The following RBM28 variants were observed in gnomAD, a reference collection of about 807,000 sequenced individuals.
RBM28 encodes RNA binding motif protein 28.
RBM28 carries 78 observed loss-of-function variants against 98.3 expected under a neutral mutation model. The observed-to-expected ratio is 0.79, with a 90% CI of 0.66 to 0.96. The LOEUF is 0.96. RBM28 is among the 40% of genes least tolerant of loss of function. RBM28 has a pLI of 0.00. For missense variants in RBM28, 838 were observed against 913.0 expected, an observed-to-expected ratio of 0.92 and a Z score of 1.06; for synonymous variants, 306 against 330.9, an observed-to-expected ratio of 0.92 and a Z score of 0.82.
At chr7:128,328,866 G>A (rs960424359) in intron 10 of RBM28, among the ~76,000 whole-genome samples, 2 of 151,852 alleles carry the variant, frequency 1.3e-5, no homozygotes, top group African/African-American at 4.8e-5. Flanking sequence ...TAAATGATTT[G>A]CCAAAAATCA....
rs17152005 is a variant in RBM28 at position 128,323,462 on chromosome 7, G to A, written c.1404+65C>T. On this transcript the variant is annotated intron_variant, in intron 13 of 18. Coordinates refer to ENST00000223073, the MANE Select transcript of RBM28 (RefSeq NM_018077.3). ...TCTTTGATGAGCACATCTAGCATTC[G>A]ATAACTATTTTTGATTGATTTATAG... is the stretch of plus-strand genomic sequence containing the variant. 5.2e-3 allele frequency: 8,164 copies of A among 1,575,236 alleles called. 275 individuals carry two copies. The African/African-American group carries it at 0.081, about 16-fold the overall frequency.
chr7:128,334,778 G>A (rs73721362), intron 8 of RBM28, among the ~76,000 whole-genome samples: 12,660 of 152,206 alleles, frequency 0.083, 674 homozygotes, highest in African/African-American at 0.15. Flanking sequence ...AAATATAATT[G>A]TATTTGGAGA....
chr7:128,332,209 A>G (rs990841125), intron 9 of RBM28, among the ~76,000 whole-genome samples: 1 of 152,244 alleles, frequency 6.6e-6, no homozygotes, highest in African/African-American at 2.4e-5. Context: ...TCAGTATAGC[A>G]TGTATAAATT....
At position 128,304,294 on chromosome 7, in the gene RBM28, G is replaced by A. The variant is rs535934657; in HGVS notation, c.*6503C>T. The A allele has an allele frequency of 1.6e-4, 25 of 152,230 alleles. No homozygotes were observed. Among genetic ancestry groups the A allele is most frequent in the African/African-American group, 5.8e-4 (24 of 41,540 alleles). 9.4% of individuals were successfully genotyped at this position (152,230 alleles called of 1,614,324 possible). On this transcript the variant is annotated 3_prime_UTR_variant, in exon 19 of 19. Coordinates refer to ENST00000223073, the MANE Select transcript of RBM28 (RefSeq NM_018077.3). The stretch of plus-strand genomic sequence containing the variant: ...CCTGTTTGCAATTCAACCATGATAT[G>A]ACACAACCAGACTACAAATAAATGT...
chr7:128,333,982 C>T (rs1383051995), intron 8 of RBM28, among the ~76,000 whole-genome samples: 1 of 152,180 alleles, frequency 6.6e-6, no homozygotes, highest in Non-Finnish European at 1.5e-5. Flanking sequence ...AAAAAACATA[C>T]ACATACAATC....
rs577916315 is a variant in RBM28 at position 128,321,440 on chromosome 7, A to G, written c.1405-16T>C. 2.5e-6 allele frequency: 4 copies of G among 1,613,946 alleles called. No homozygotes were observed. The highest frequency in any genetic ancestry group is 1.1e-5 in the South Asian group (1 of 91,054). On this transcript the variant is annotated splice_polypyrimidine_tract_variant and intron_variant, in intron 13 of 18. Coordinates refer to ENST00000223073, the MANE Select transcript of RBM28 (RefSeq NM_018077.3). ...GCAGCTCAAACTGAAAGAACAACCA[A>G]TGGTTAACAGTACAACCCACTCTTT...
At position 128,304,543 on chromosome 7, in the gene RBM28, G is replaced by A. The variant is rs1795827056; in HGVS notation, c.*6254C>T. Reference sequence around the variant, plus strand: ...TCTCCACTGCTATCCTGACAGAGATGGGGCATGTACTTCCCAGGGCCACTT... The same window carrying A: ...TCTCCACTGCTATCCTGACAGAGATAGGGCATGTACTTCCCAGGGCCACTT... On this transcript the variant is annotated 3_prime_UTR_variant, in exon 19 of 19. Transcript: ENST00000223073. 6.6e-6 allele frequency: 1 copy of A among 152,206 alleles called. No homozygotes were observed. Among genetic ancestry groups the A allele is most frequent in the Non-Finnish European group, 1.5e-5 (1 of 68,064 alleles). 9.4% of individuals were successfully genotyped at this position (152,206 alleles called of 1,614,324 possible).
Position 128,328,008 on chromosome 7 carries a change from C to T in RBM28, c.1130-2117G>A, listed in dbSNP as rs572528751. 5.9e-5 allele frequency among the ~76,000 whole-genome samples: 9 copies of T among 152,270 alleles called. No individual in the cohort carries two copies. In the East Asian group the frequency reaches 1.3e-3, roughly 23 times the overall value. On this transcript the variant is annotated intron_variant, in intron 10 of 18. Coordinates refer to ENST00000223073, the MANE Select transcript of RBM28 (RefSeq NM_018077.3). ...CACAGACTAACTGAAAGGACACATGCGCCAGGCCAACACAAAGGTCACCAT... is the reference window on the plus strand; with the variant it reads ...CACAGACTAACTGAAAGGACACATGTGCCAGGCCAACACAAAGGTCACCAT...
At chr7:128,328,796 C>A (rs1031914878) in intron 10 of RBM28, among the ~76,000 whole-genome samples, 1 of 152,138 alleles carries the variant, frequency 6.6e-6, no homozygotes, top group African/African-American at 2.4e-5. Flanking sequence ...GCTGCAGGTA[C>A]CTTAAGTGAT....
chr7:128,329,654 G>A (rs986687792), intron 10 of RBM28, among the ~76,000 whole-genome samples: 5 of 152,096 alleles, frequency 3.3e-5, no homozygotes, highest in South Asian at 2.1e-4. Flanking sequence ...GGGAGGCCAA[G>A]GCGGGTGTAT....
intron 10 of RBM28, among the ~76,000 whole-genome samples, chr7:128,328,280 T>C (rs533113090): frequency 3.3e-4 from 50 of 152,310 alleles, no homozygotes; most frequent in African/African-American, 1.1e-3. Flanking sequence ...TCTAATTAGA[T>C]TGAATATGAA....
chr7:128,325,747 A>G (rs879266647), intron 11 of RBM28, 71 bp downstream of exon 11: 14 of 1,015,102 alleles, frequency 1.4e-5, no homozygotes, highest in Non-Finnish European at 2.2e-5. Flanking sequence ...AGCTTTGTAT[A>G]AATACCAGAT....
chr7:128,327,433 G>C (rs1428921461), intron 10 of RBM28, among the ~76,000 whole-genome samples: 1 of 152,122 alleles, frequency 6.6e-6, no homozygotes. Context: ...ATCTCCATAA[G>C]GCATGCCTTT....
In RBM28 at chr7:128,321,345, G is replaced by C; in HGVS notation, c.1484C>G (p.Pro495Arg). The C allele has an allele frequency of 6.2e-7, 1 of 1,614,202 alleles. No individual in the cohort carries two copies. Among genetic ancestry groups the C allele is most frequent in the Non-Finnish European group, 8.5e-7 (1 of 1,180,022 alleles). ...GAGCTGTTTGTCATCTACAGCCTTT[G>C]GGAGATTGTGCAGGCAGAGCCTGGT... ...SRTRLCLHNLPKAVDDKQLRK... is the reference protein window; with the variant it reads ...SRTRLCLHNLRKAVDDKQLRK... The change falls in exon 14 of 19, where the codon CCA becomes CGA. Residue 495 changes from proline (P) to arginine (R), a missense_variant. Coordinates refer to ENST00000223073, the MANE Select transcript of RBM28 (RefSeq NM_018077.3).
intron 14 of RBM28, among the ~76,000 whole-genome samples, chr7:128,318,878 G>A (rs1271068195): frequency 6.6e-6 from 1 of 152,188 alleles, no homozygotes; most frequent in East Asian, 1.9e-4. Context: ...AAGAAGGAAA[G>A]GAGGAAGGCC....
At position 128,325,574 on chromosome 7, in the gene RBM28, C is replaced by T. The variant is rs184520453; in HGVS notation, c.1203+244G>A. Reference sequence around the variant, plus strand: ...GACAGCAAGCAACAAATATCAGATACGTTATTATCCCCTTTTCCTCACCTA... The same window carrying T: ...GACAGCAAGCAACAAATATCAGATATGTTATTATCCCCTTTTCCTCACCTA... On this transcript the variant is annotated intron_variant, in intron 11 of 18. Coordinates refer to ENST00000223073, the MANE Select transcript of RBM28 (RefSeq NM_018077.3). Among the ~76,000 whole-genome samples, 328 of 151,988 alleles carry T rather than the reference C, an allele frequency of 2.2e-3. 2 individuals carry two copies. The highest frequency in any genetic ancestry group is 3.6e-3 in the Non-Finnish European group (247 of 67,926).
chr7:128,317,940 C>T lies in RBM28; in HGVS notation c.1713+17G>A. 4 of 1,614,060 alleles carry T rather than the reference C, an allele frequency of 2.5e-6. No homozygotes were observed. Among genetic ancestry groups the T allele is most frequent in the Non-Finnish European group, 3.4e-6 (4 of 1,179,954 alleles). On this transcript the variant is annotated intron_variant, in intron 15 of 18. Coordinates refer to ENST00000223073, the MANE Select transcript of RBM28 (RefSeq NM_018077.3). ...GTGGTCCTAAGGGAACAAGTCTCCCCAGAGGACAAGGCCTACCTTCAGAGG... is the reference window on the plus strand; with the variant it reads ...GTGGTCCTAAGGGAACAAGTCTCCCTAGAGGACAAGGCCTACCTTCAGAGG...
rs151306133 is a variant in RBM28 at position 128,315,099 on chromosome 7, A to G, written c.1789-79T>C. 6.1e-5 allele frequency: 96 copies of G among 1,576,652 alleles called. 1 individual carries two copies. The East Asian group carries it at 2.1e-3, about 35-fold the overall frequency. On this transcript the variant is annotated intron_variant, in intron 16 of 18. Coordinates refer to ENST00000223073, the MANE Select transcript of RBM28 (RefSeq NM_018077.3). ...AAATACTCAGCAGAAGATGAGCTTT[A>G]TGTGAGCTAGATGAAAGAAGAGGAA... is the stretch of plus-strand genomic sequence containing the variant.
rs2116296750 is a variant in RBM28, at chr7:128,301,936, A to G, written c.*8861T>C. On this transcript the variant is annotated 3_prime_UTR_variant, in exon 19 of 19. Coordinates refer to ENST00000223073, the MANE Select transcript of RBM28 (RefSeq NM_018077.3). ...TGAATCTGTGTCCCAAGCTCTGAAA[A>G]TGCAAGAGGTGCTTGGAGCAAACAG... 1 of 152,320 alleles carries G rather than the reference A, an allele frequency of 6.6e-6. No individual in the cohort carries two copies. Among genetic ancestry groups the G allele is most frequent in the African/African-American group, 2.4e-5 (1 of 41,560 alleles). 9.4% of individuals were successfully genotyped at this position (152,320 alleles called of 1,614,324 possible).
Sources: gnomAD v4.1 joint callset for allele counts (sites outside exome capture counted in the v4.1 genomes callset) on GRCh38, gnomAD v4.1.1 for gene constraint, MANE v1.5 for transcripts, NCBI Gene and HGNC (gene_info 2026-07-23, HGNC 2026-07-21) for gene names.